Variants in GPR141 observed in about 807,000 individuals in gnomAD.
The protein encoded by GPR141 is G protein-coupled receptor 141, also known as probable G protein-coupled receptor 141.
In GPR141, 6 loss-of-function variants were observed where a neutral mutation model predicts 6.8. The observed-to-expected ratio is 0.88, with a 90% CI of 0.48 to 1.74. The LOEUF is 1.74. Among genes scored for constraint, GPR141 ranks in the 40% most tolerant of loss-of-function variants. GPR141 has a pLI of 0.01. For missense variants in GPR141, 372 were observed against 372.9 expected (o/e 1.00, Z 0.02); for synonymous variants, 140 against 142.3 (o/e 0.98, Z 0.11).
At chr7:37,689,490 G>A (rs908977564) in intron 2 of GPR141, among the ~76,000 whole-genome samples, 5 of 152,056 alleles carry the variant, frequency 3.3e-5, no homozygotes, top group African/African-American at 1.2e-4. Flanking sequence ...TGAATGTTTG[G>A]TAGGGTTCAG....
At chr7:37,722,663 A>T (rs556768799) in intron 2 of GPR141, among the ~76,000 whole-genome samples, 1 of 150,602 alleles carries the variant, frequency 6.6e-6, no homozygotes, top group Admixed American at 6.6e-5. Flanking sequence ...TGGAGGTTGC[A>T]GTGAGCCAAC....
At chr7:37,694,719 C>A (rs1408913301) in intron 2 of GPR141, among the ~76,000 whole-genome samples, 1 of 152,148 alleles carries the variant, frequency 6.6e-6, no homozygotes, top group African/African-American at 2.4e-5. Context: ...ACAACCAGCT[C>A]TCAGGGAAAT....
At chr7:37,694,481 G>A (rs528859825) in intron 2 of GPR141, among the ~76,000 whole-genome samples, 2 of 152,362 alleles carry the variant, frequency 1.3e-5, no homozygotes, top group African/African-American at 2.4e-5. Flanking sequence ...AGATGGAGCT[G>A]TTCTGCTGAA....
Position 37,685,776 on chromosome 7 carries a change from T to A in GPR141, c.-15+193T>A, listed in dbSNP as rs867498484. Among the ~76,000 whole-genome samples the A allele has an allele frequency of 4.1e-3, 564 of 136,162 alleles. 4 individuals are homozygous for A. The highest frequency in any genetic ancestry group is 0.014 in the African/African-American group (481 of 33,960). The allele number at this position is 136,162 out of a possible 152,430, so 89.3% of individuals were successfully genotyped here. A position where few individuals can be genotyped will look rare whatever the true frequency, so the allele number is the denominator to read the frequency against. On this transcript the variant is annotated intron_variant, in intron 2 of 2. Coordinates refer to ENST00000334425, the MANE Select transcript of GPR141 (RefSeq NM_001381946.1). The stretch of plus-strand genomic sequence containing the variant: ...ACTTTTTTTTTTTTTTTTTTTTTTT[T>A]AAATAAGAAAAACACGGATTGATTT...
At position 37,742,767 on chromosome 7, in the gene GPR141, G is replaced by A. The variant is rs1812630692; in HGVS notation, c.*1456G>A. The stretch of plus-strand genomic sequence containing the variant: ...CTAATGGGAACTAGGCTTAATACTC[G>A]GGATGAAATAATCTGTACAACAAAC... On this transcript the variant is annotated 3_prime_UTR_variant, in exon 3 of 3. Coordinates refer to ENST00000334425, the MANE Select transcript of GPR141 (RefSeq NM_001381946.1). 1.3e-5 allele frequency among the ~76,000 whole-genome samples: 2 copies of A among 151,922 alleles called. No homozygotes were observed. Among genetic ancestry groups the A allele is most frequent in the Non-Finnish European group, 2.9e-5 (2 of 67,970 alleles).
intron 2 of GPR141, among the ~76,000 whole-genome samples, chr7:37,724,383 G>A (rs1460703695): frequency 6.6e-6 from 1 of 152,182 alleles, no homozygotes; most frequent in Non-Finnish European, 1.5e-5. Context: ...GAGGAGGACT[G>A]TGAGAGAGAG....
At chr7:37,715,772 A>G (rs1425860527) in intron 2 of GPR141, among the ~76,000 whole-genome samples, 1 of 152,152 alleles carries the variant, frequency 6.6e-6, no homozygotes, top group African/African-American at 2.4e-5. Flanking sequence ...TCAGGAGGTG[A>G]GTATTAGTTT....
chr7:37,686,113 T>A (rs1434203787), intron 2 of GPR141, among the ~76,000 whole-genome samples: 1 of 151,632 alleles, frequency 6.6e-6, no homozygotes, highest in African/African-American at 2.4e-5. Context: ...GTCCTCTCAC[T>A]TCAGCCTTCC....
At chr7:37,693,756 T>C (rs920295965) in intron 2 of GPR141, among the ~76,000 whole-genome samples, 3 of 152,110 alleles carry the variant, frequency 2.0e-5, no homozygotes, top group Non-Finnish European at 4.4e-5. Context: ...TAGTTCAGAC[T>C]CTAGGGGGCT....
rs1296095978 is a variant in GPR141, at chr7:37,685,457, C to T, written c.-138-3C>T. Reference sequence around the variant, plus strand: ...CTCTCTCTTTCTCTCTTTCTTTCTTCAGGGCCTTTCTCTCTGTTGCCCAGG... The same window carrying T: ...CTCTCTCTTTCTCTCTTTCTTTCTTTAGGGCCTTTCTCTCTGTTGCCCAGG... On this transcript the variant is annotated splice_polypyrimidine_tract_variant and splice_region_variant and intron_variant, in intron 1 of 2. Transcript: ENST00000334425. 4 of 140,964 alleles carry T rather than the reference C, an allele frequency of 2.8e-5. No individual in the cohort carries two copies. Among genetic ancestry groups the T allele is most frequent in the Non-Finnish European group, 6.2e-5 (4 of 64,644 alleles). 8.7% of individuals were successfully genotyped at this position (140,964 alleles called of 1,614,324 possible).
chr7:37,719,585 C>A (rs1161703028), intron 2 of GPR141, among the ~76,000 whole-genome samples: 1 of 152,160 alleles, frequency 6.6e-6, no homozygotes, highest in African/African-American at 2.4e-5. Flanking sequence ...TATTGACACT[C>A]ACCTTTGCCA....
At chr7:37,712,179 G>C (rs552270724) in intron 2 of GPR141, among the ~76,000 whole-genome samples, 1 of 152,294 alleles carries the variant, frequency 6.6e-6, no homozygotes, top group Non-Finnish European at 1.5e-5. Context: ...TCCCAAGGGG[G>C]AGAGTGGGTG....
At chr7:37,703,723 T>C in intron 2 of GPR141, among the ~76,000 whole-genome samples, 1 of 152,158 alleles carries the variant, frequency 6.6e-6, no homozygotes, top group East Asian at 1.9e-4. Context: ...GTTGTAAAGA[T>C]TGCAAGATGA....
intron 2 of GPR141, among the ~76,000 whole-genome samples, chr7:37,739,549 A>T (rs571418273): frequency 2.6e-4 from 39 of 152,352 alleles, no homozygotes; most frequent in Admixed American, 2.1e-3. Context: ...GGAAACTGAC[A>T]TGACTTTCTT....
chr7:37,708,055 T>C (rs951888454), intron 2 of GPR141, among the ~76,000 whole-genome samples: 1 of 152,126 alleles, frequency 6.6e-6, no homozygotes, highest in African/African-American at 2.4e-5. Flanking sequence ...CATTGGAGTG[T>C]ATATGACCTC....
At chr7:37,719,636 A>G (rs1401302865) in intron 2 of GPR141, among the ~76,000 whole-genome samples, 1 of 152,184 alleles carries the variant, frequency 6.6e-6, no homozygotes, top group Non-Finnish European at 1.5e-5. Context: ...TAAGGGACTA[A>G]ACTGTCTAAT....
At chr7:37,721,496 G>A (rs1253038080) in intron 2 of GPR141, among the ~76,000 whole-genome samples, 35 of 152,230 alleles carry the variant, frequency 2.3e-4, no homozygotes. Context: ...TAATGTCTCA[G>A]TAGCTTTGAT....
At chr7:37,709,277 T>G (rs577200175) in intron 2 of GPR141, among the ~76,000 whole-genome samples, 1 of 152,332 alleles carries the variant, frequency 6.6e-6, no homozygotes, top group African/African-American at 2.4e-5. Flanking sequence ...GATTATTTGG[T>G]AAAGATCATA....
At chr7:37,725,602 T>C (rs1453911923) in intron 2 of GPR141, among the ~76,000 whole-genome samples, 17 of 152,252 alleles carry the variant, frequency 1.1e-4, no homozygotes, top group Admixed American at 1.1e-3. Flanking sequence ...TCTCTTTTTT[T>C]GCACAATGGC....
Sources: gnomAD v4.1 joint callset for allele counts (sites outside exome capture counted in the v4.1 genomes callset) on GRCh38, gnomAD v4.1.1 for gene constraint, MANE v1.5 for transcripts, NCBI Gene and HGNC (gene_info 2026-07-23, HGNC 2026-07-21) for gene names.